Variants in NTM observed in about 807,000 individuals in gnomAD.
NTM encodes IgLON family member 2.
NTM carries 13 observed loss-of-function variants against 42.1 expected under a neutral mutation model. That is an observed-to-expected ratio of 0.31 (90% CI 0.20 to 0.49). The LOEUF (loss-of-function observed/expected upper bound fraction) is 0.49. NTM is among the 20% of genes least tolerant of loss of function. The pLI is 0.99. For missense variants in NTM, 373 were observed against 452.8 expected, an observed-to-expected ratio of 0.82 and a Z score of 1.60; for synonymous variants, 187 against 179.2, an observed-to-expected ratio of 1.04 and a Z score of -0.35.
intron 1 of NTM, among the ~76,000 whole-genome samples, chr11:131,751,056 C>T (rs2082435434): frequency 6.6e-6 from 1 of 152,152 alleles, no homozygotes; most frequent in Admixed American, 6.5e-5. Context: ...TCCCACCCTC[C>T]TAATCACTCT....
At chr11:131,413,050 C>T (rs1946587232) in intron 1 of NTM, among the ~76,000 whole-genome samples, 1 of 152,128 alleles carries the variant, frequency 6.6e-6, no homozygotes, top group Admixed American at 6.5e-5. Context: ...CCTTCTGTAC[C>T]TGGTTTTGTG....
At chr11:131,655,922 C>T (rs946791063) in intron 1 of NTM, among the ~76,000 whole-genome samples, 3 of 152,222 alleles carry the variant, frequency 2.0e-5, no homozygotes, top group East Asian at 3.9e-4. Flanking sequence ...GGCACCTGCC[C>T]TATCCCACCA....
intron 1 of NTM, among the ~76,000 whole-genome samples, chr11:131,574,047 G>A (rs886424455): frequency 3.9e-5 from 6 of 152,158 alleles, no homozygotes; most frequent in Admixed American, 6.5e-5. Flanking sequence ...GCTTCAGCAC[G>A]TGGGTGTTGG....
chr11:131,690,819 C>A (rs557316317), intron 1 of NTM, among the ~76,000 whole-genome samples: 32 of 152,312 alleles, frequency 2.1e-4, no homozygotes, highest in African/African-American at 7.5e-4. Context: ...GCCTGAGGCA[C>A]ACGGCGGGTG....
intron 1 of NTM, among the ~76,000 whole-genome samples, chr11:131,821,824 A>G (rs1264961294): frequency 2.6e-5 from 4 of 152,196 alleles, no homozygotes; most frequent in East Asian, 1.9e-4. Flanking sequence ...TGACTGATCC[A>G]TGATAGTTTA....
chr11:131,404,476 C>T (rs1035933498), intron 1 of NTM, among the ~76,000 whole-genome samples: 2 of 152,194 alleles, frequency 1.3e-5, no homozygotes, highest in Admixed American at 6.5e-5. Context: ...TCTTGGTCTT[C>T]AGGCACTTCC....
intron 1 of NTM, among the ~76,000 whole-genome samples, chr11:131,429,686 C>T (rs1315523307): frequency 2.0e-5 from 3 of 152,152 alleles, no homozygotes; most frequent in African/African-American, 7.2e-5. Flanking sequence ...AGCTGGGGGT[C>T]TCTCGTGCAA....
chr11:131,768,181 G>C (rs2085448621), intron 1 of NTM, among the ~76,000 whole-genome samples: 1 of 149,464 alleles, frequency 6.7e-6, no homozygotes, highest in South Asian at 2.1e-4. Context: ...GGAGTGCAAT[G>C]GTGTGATCTC....
intron 4 of NTM, among the ~76,000 whole-genome samples, chr11:132,221,486 G>C (rs1399141419): frequency 6.6e-6 from 1 of 152,158 alleles, no homozygotes; most frequent in East Asian, 1.9e-4. Flanking sequence ...CAGGTAGTCG[G>C]TCTGTCCCCA....
intron 1 of NTM, among the ~76,000 whole-genome samples, chr11:131,450,413 C>A (rs1950392151): frequency 1.3e-5 from 2 of 152,178 alleles, no homozygotes; most frequent in South Asian, 4.2e-4. Context: ...GCAGCTGTCA[C>A]TTCTCCCTGA....
rs557823353 is a variant in NTM at position 131,603,453 on chromosome 11, C to T, written c.82+232565C>T. Among the ~76,000 whole-genome samples the T allele has an allele frequency of 8.5e-5, 13 of 152,198 alleles. No individual in the cohort carries two copies. In the South Asian group the frequency reaches 2.7e-3, roughly 32 times the overall value. On this transcript the variant is annotated intron_variant, in intron 1 of 8. Transcript: ENST00000683400. Reference sequence around the variant, plus strand: ...GGTCCATGGACTATAGTTTGAGTAGCGTGGCTTCCGTTACTGCCATCCCAG... The same window carrying T: ...GGTCCATGGACTATAGTTTGAGTAGTGTGGCTTCCGTTACTGCCATCCCAG...
chr11:131,705,249 G>C (rs1477077360), intron 1 of NTM, among the ~76,000 whole-genome samples: 1 of 152,184 alleles, frequency 6.6e-6, no homozygotes, highest in East Asian at 1.9e-4. Context: ...TTGTATTCAA[G>C]GGAAACTTCC....
chr11:131,852,485 T>G (rs946038512), intron 1 of NTM, among the ~76,000 whole-genome samples: 4 of 152,188 alleles, frequency 2.6e-5, no homozygotes, highest in African/African-American at 9.7e-5. Context: ...GAAGATTTCC[T>G]TAAGGAGTAG....
intron 1 of NTM, among the ~76,000 whole-genome samples, chr11:131,561,184 T>A (rs2056188299): frequency 6.6e-6 from 1 of 152,230 alleles, no homozygotes; most frequent in African/African-American, 2.4e-5. Flanking sequence ...GGCCCCAACA[T>A]GTCCAAGTTT....
intron 1 of NTM, among the ~76,000 whole-genome samples, chr11:131,704,044 G>T (rs868577318): frequency 2.0e-5 from 3 of 151,384 alleles, no homozygotes; most frequent in Non-Finnish European, 2.9e-5. Flanking sequence ...GGCTCATGTG[G>T]TTCCAGGCTC....
intron 1 of NTM, among the ~76,000 whole-genome samples, chr11:131,574,889 G>C (rs2057785399): frequency 6.6e-6 from 1 of 152,050 alleles, no homozygotes. Context: ...GTGCTGAGGG[G>C]ACCTTTGGGG....
At chr11:132,027,675 C>T (rs1420952468) in intron 2 of NTM, among the ~76,000 whole-genome samples, 1 of 152,058 alleles carries the variant, frequency 6.6e-6, no homozygotes, top group Admixed American at 6.5e-5. Flanking sequence ...CTCAAGTTTG[C>T]CTGTCTTTGA....
intron 1 of NTM, among the ~76,000 whole-genome samples, chr11:131,699,052 A>G (rs1254821928): frequency 6.6e-6 from 1 of 152,206 alleles, no homozygotes; most frequent in Non-Finnish European, 1.5e-5. Context: ...GTGATTGTCA[A>G]AATTCATTGA....
At chr11:131,579,409 C>A (rs1241260128) in intron 1 of NTM, among the ~76,000 whole-genome samples, 1 of 152,204 alleles carries the variant, frequency 6.6e-6, no homozygotes, top group Non-Finnish European at 1.5e-5. Flanking sequence ...AAGAGTTCTG[C>A]ATTACTGTAA....
Sources: gnomAD v4.1 joint callset for allele counts (sites outside exome capture counted in the v4.1 genomes callset) on GRCh38, gnomAD v4.1.1 for gene constraint, MANE v1.5 for transcripts, NCBI Gene and HGNC (gene_info 2026-07-23, HGNC 2026-07-21) for gene names.